The following MOXD1 variants were observed in gnomAD, a reference collection of about 807,000 sequenced individuals.
MOXD1 encodes monooxygenase DBH like 1.
Under a neutral mutation model 66.6 loss-of-function variants are expected in MOXD1, and 62 were observed. The observed-to-expected ratio is 0.93, with a 90% CI of 0.76 to 1.15. MOXD1 has a LOEUF of 1.15. MOXD1 is among the 50% of genes most tolerant of loss of function. MOXD1 has a pLI of 0.00. For synonymous variants in MOXD1, 303 were observed against 281.9 expected (o/e 1.07, Z -0.75); for missense variants, 847 against 754.6 (o/e 1.12, Z -1.44).
intron 4 of MOXD1, among the ~76,000 whole-genome samples, chr6:132,328,987 T>C (rs9493288): frequency 0.024 from 3,703 of 152,242 alleles, 144 homozygotes; most frequent in African/African-American, 0.083. Context: ...TATTATACTT[T>C]AAGTTCTAGG....
At chr6:132,313,776 G>C (rs757942033) in intron 10 of MOXD1, among the ~76,000 whole-genome samples, 9 of 152,002 alleles carry the variant, frequency 5.9e-5, no homozygotes, top group African/African-American at 2.2e-4. Flanking sequence ...TTAGCTGGGC[G>C]TGGTGGCGAG....
chr6:132,393,356 G>C (rs1776808466), intron 1 of MOXD1, among the ~76,000 whole-genome samples: 1 of 152,192 alleles, frequency 6.6e-6, no homozygotes, highest in South Asian at 2.1e-4. Flanking sequence ...ATTTTGAATA[G>C]ATCATCTGAG....
chr6:132,385,461 AATTATTATT>A (rs71030795), intron 1 of MOXD1, among the ~76,000 whole-genome samples: 1,878 of 133,586 alleles, frequency 0.014, 30 homozygotes, highest in African/African-American at 0.046. Context: ...AATATACTGA[AATTATTATT>A]ATTATTATTA....
At chr6:132,358,278 C>T (rs996171685) in intron 4 of MOXD1, among the ~76,000 whole-genome samples, 24 of 152,242 alleles carry the variant, frequency 1.6e-4, no homozygotes, top group Non-Finnish European at 2.5e-4. Context: ...TCATAATACA[C>T]GTACTAATAA....
At chr6:132,346,065 G>A (rs1775663418) in intron 4 of MOXD1, among the ~76,000 whole-genome samples, 1 of 151,328 alleles carries the variant, frequency 6.6e-6, no homozygotes, top group East Asian at 1.9e-4. Context: ...TGTGGGGGAT[G>A]GGGGGATTTT....
chr6:132,340,397 C>T (rs1775526648), intron 4 of MOXD1, among the ~76,000 whole-genome samples: 1 of 146,882 alleles, frequency 6.8e-6, no homozygotes, highest in South Asian at 2.1e-4. Context: ...TAACCCATTT[C>T]TTGTTTGCTC....
At chr6:132,380,289 G>A (rs1466675637) in intron 1 of MOXD1, among the ~76,000 whole-genome samples, 1 of 152,098 alleles carries the variant, frequency 6.6e-6, no homozygotes. Flanking sequence ...TAGAGTCCAG[G>A]TTTCCTCACA....
intron 4 of MOXD1, among the ~76,000 whole-genome samples, chr6:132,331,778 C>A (rs895359468): frequency 4.6e-5 from 7 of 152,130 alleles, no homozygotes; most frequent in Admixed American, 3.3e-4. Flanking sequence ...GCTAGTGTGA[C>A]CCCAAAGTCT....
rs1562299114 is a variant in MOXD1, at chr6:132,384,232, C to CCTT, written c.265-9456_265-9455insAAG. On this transcript the variant is annotated intron_variant, in intron 1 of 11. Transcript: ENST00000367963. The stretch of plus-strand genomic sequence containing the variant: ...CTTCCTTCCTTCCTCCTTCCTTCCT[C>CCTT]CCTCCCTCTCTTCCTTCCTTCCTTC... 3.1e-4 allele frequency among the ~76,000 whole-genome samples: 37 copies of CCTT among 119,506 alleles called. 1 individual carries two copies. The East Asian group carries it at 8.4e-3, about 27-fold the overall frequency. The allele number at this position is 119,506 out of a possible 152,430, so 78.4% of individuals were successfully genotyped here.
intron 4 of MOXD1, among the ~76,000 whole-genome samples, chr6:132,361,917 G>A (rs1283710131): frequency 6.6e-6 from 1 of 152,100 alleles, no homozygotes; most frequent in Non-Finnish European, 1.5e-5. Flanking sequence ...AGAAGGTATT[G>A]ATAACTCAGT....
intron 11 of MOXD1, 133 bp from the exon 12 acceptor site, chr6:132,297,450 G>T: frequency 1.1e-6 from 1 of 905,098 alleles, no homozygotes; most frequent in East Asian, 2.5e-5. Flanking sequence ...TCACACACTG[G>T]GGGAGTCAGA....
At chr6:132,393,489 GA>G (rs1160169862) in intron 1 of MOXD1, among the ~76,000 whole-genome samples, 20 of 152,170 alleles carry the variant, frequency 1.3e-4, no homozygotes, top group Non-Finnish European at 1.8e-4. Flanking sequence ...TTAATGTGAG[GA>G]AAGGGTAAGT....
intron 1 of MOXD1, among the ~76,000 whole-genome samples, chr6:132,398,862 C>T (rs1456801414): frequency 1.4e-5 from 2 of 144,520 alleles, no homozygotes; most frequent in African/African-American, 2.6e-5. Flanking sequence ...TCACTTGAAC[C>T]TGAGAGGTGA....
At position 132,382,943 on chromosome 6, in the gene MOXD1, G is replaced by C. The variant is rs116031663; in HGVS notation, c.265-8166C>G. Among the ~76,000 whole-genome samples, 311 of 152,216 alleles carry C rather than the reference G, an allele frequency of 2.0e-3. 1 individual carries two copies. Among genetic ancestry groups the C allele is most frequent in the African/African-American group, 7.3e-3 (302 of 41,550 alleles). ...TATTTTTCTCTCAAATAAAATCTTT[G>C]ACTGGTGCTGTGTTACACAGGAGGA... On this transcript the variant is annotated intron_variant, in intron 1 of 11. Coordinates refer to ENST00000367963, the MANE Select transcript of MOXD1 (RefSeq NM_015529.4).
At chr6:132,333,935 C>G (rs150975037) in intron 4 of MOXD1, among the ~76,000 whole-genome samples, 1 of 152,188 alleles carries the variant, frequency 6.6e-6, no homozygotes, top group Admixed American at 6.5e-5. Flanking sequence ...GATCAAGTAA[C>G]GGGAGCTTTC....
chr6:132,401,441 T>C lies in MOXD1; in HGVS notation c.-15A>G. Reference sequence around the variant, plus strand: ...CAGCAGCACATCCTCGGGCGCCTCCTGCCCGCCGGTACCGGCCTCCAGCCG... The same window carrying C: ...CAGCAGCACATCCTCGGGCGCCTCCCGCCCGCCGGTACCGGCCTCCAGCCG... On this transcript the variant is annotated 5_prime_UTR_variant, in exon 1 of 12. Transcript: ENST00000367963. The C allele has an allele frequency of 6.9e-7, 1 of 1,458,944 alleles. No homozygotes were observed. The highest frequency in any genetic ancestry group is 2.8e-5 in the East Asian group (1 of 36,190). 90.4% of individuals were successfully genotyped at this position (1,458,944 alleles called of 1,614,324 possible). A position where few individuals can be genotyped will look rare whatever the true frequency, so the allele number is the denominator to read the frequency against.
chr6:132,304,917 T>C (rs553682886), intron 10 of MOXD1, among the ~76,000 whole-genome samples: 7 of 152,312 alleles, frequency 4.6e-5, no homozygotes, highest in Admixed American at 3.9e-4. Flanking sequence ...AAATATATTA[T>C]TTTAAGAACA....
At chr6:132,380,866 C>T (rs1253600558) in intron 1 of MOXD1, among the ~76,000 whole-genome samples, 1 of 152,148 alleles carries the variant, frequency 6.6e-6, no homozygotes, top group Non-Finnish European at 1.5e-5. Context: ...CATACAGACA[C>T]ATCTGGCACT....
At position 132,384,028 on chromosome 6, in the gene MOXD1, C is replaced by T. The variant is rs536116175; in HGVS notation, c.265-9251G>A. On this transcript the variant is annotated intron_variant, in intron 1 of 11. Coordinates refer to ENST00000367963, the MANE Select transcript of MOXD1 (RefSeq NM_015529.4). ...GAGGTTGCAGTGAGCCGAGATCATCCACTGCAGTCCAGCCTGGGCGGCAGA... is the reference window on the plus strand; with the variant it reads ...GAGGTTGCAGTGAGCCGAGATCATCTACTGCAGTCCAGCCTGGGCGGCAGA... 5.9e-4 allele frequency among the ~76,000 whole-genome samples: 90 copies of T among 152,318 alleles called. No individual in the cohort carries two copies. In the South Asian group the frequency reaches 6.4e-3, roughly 11 times the overall value.
Sources: gnomAD v4.1 joint callset for allele counts (sites outside exome capture counted in the v4.1 genomes callset) on GRCh38, gnomAD v4.1.1 for gene constraint, MANE v1.5 for transcripts, NCBI Gene and HGNC (gene_info 2026-07-23, HGNC 2026-07-21) for gene names.